The following METTL15 variants were observed in gnomAD, a reference collection of about 807,000 sequenced individuals.
The protein encoded by METTL15 is 12S rRNA N(4)-cytidine methyltransferase METTL15.
Under a neutral mutation model 38.3 loss-of-function variants are expected in METTL15, and 34 were observed. The observed-to-expected ratio is 0.89, with a 90% CI of 0.68 to 1.18. METTL15 has a LOEUF of 1.18. Ranked by LOEUF, METTL15 falls within the 50% of genes most tolerant of loss-of-function variation. The pLI is 0.00. For missense variants in METTL15, 438 were observed against 498.4 expected (o/e 0.88, Z 1.15); for synonymous variants, 162 against 170.9 (o/e 0.95, Z 0.41).
chr11:28,353,691 C>T (rs1234525048), intron 4 of METTL15, among the ~76,000 whole-genome samples: 1 of 151,196 alleles, frequency 6.6e-6, no homozygotes. Context: ...TTTGGGAGGC[C>T]GAGGCGGGTG....
In METTL15 at chr11:28,476,963, C is replaced by T. The variant is rs573306757; in HGVS notation, c.*425-49515C>T. Among the ~76,000 whole-genome samples the T allele has an allele frequency of 3.3e-5, 5 of 151,980 alleles. No homozygotes were observed. In the East Asian group the frequency reaches 9.7e-4, roughly 29 times the overall value. ...AAAACTATGAAGCAGCAGAAATTAC[C>T]GATAAATTGAGAATGGGGTTGAAAA... is the stretch of plus-strand genomic sequence containing the variant. On this transcript the variant is annotated intron_variant and NMD_transcript_variant, in intron 6 of 7. Coordinates refer to the METTL15 transcript ENST00000532947.
chr11:28,360,666 T>C (rs960882252), intron 4 of METTL15, among the ~76,000 whole-genome samples: 14 of 152,120 alleles, frequency 9.2e-5, no homozygotes, highest in Non-Finnish European at 1.5e-4. Context: ...TCTCTCTTTT[T>C]TTTTATTATA....
At chr11:28,358,970 A>C (rs1415809556) in intron 4 of METTL15, among the ~76,000 whole-genome samples, 1 of 152,208 alleles carries the variant, frequency 6.6e-6, no homozygotes, top group African/African-American at 2.4e-5. Context: ...GTACATGTGT[A>C]GGTTTGTGAC....
intron 3 of METTL15, among the ~76,000 whole-genome samples, chr11:28,139,267 A>T (rs1217973460): frequency 6.6e-6 from 1 of 152,118 alleles, no homozygotes; most frequent in Admixed American, 6.5e-5. Flanking sequence ...TTTCCCTCAA[A>T]GGAATCCCAG....
intron 3 of METTL15, among the ~76,000 whole-genome samples, chr11:28,198,623 A>G (rs1052908131): frequency 5.3e-5 from 8 of 152,100 alleles, no homozygotes; most frequent in African/African-American, 1.7e-4. Flanking sequence ...TCCCTTTTGT[A>G]TAAGCCCATA....
chr11:28,152,991 C>T (rs545853432), intron 3 of METTL15, among the ~76,000 whole-genome samples: 2 of 152,094 alleles, frequency 1.3e-5, no homozygotes, highest in South Asian at 4.2e-4. Context: ...TGCAAACTGT[C>T]ACGGTGCTGG....
chr11:28,411,142 G>A (rs1017860613), intron 5 of METTL15, among the ~76,000 whole-genome samples: 1 of 151,856 alleles, frequency 6.6e-6, no homozygotes, highest in Non-Finnish European at 1.5e-5. Context: ...TGAATAAGAA[G>A]AATTAATATT....
intron 5 of METTL15, among the ~76,000 whole-genome samples, chr11:28,391,592 G>A (rs1303157010): frequency 6.6e-6 from 1 of 152,110 alleles, no homozygotes; most frequent in Non-Finnish European, 1.5e-5. Context: ...AACCAAAACA[G>A]CATGGTACTG....
chr11:28,200,447 A>AT (rs1437857807), intron 3 of METTL15, among the ~76,000 whole-genome samples: 1 of 152,170 alleles, frequency 6.6e-6, no homozygotes, highest in African/African-American at 2.4e-5. Flanking sequence ...ATAAGCTTCC[A>AT]TAAATGTAAC....
At position 28,122,505 on chromosome 11, in the gene METTL15, TC is replaced by T. The variant is rs533325258; in HGVS notation, c.270+8902del. Among the ~76,000 whole-genome samples the T allele has an allele frequency of 2.9e-3, 440 of 151,548 alleles. 1 individual carries two copies. The highest frequency in any genetic ancestry group is 9.4e-3 in the African/African-American group (390 of 41,460). The stretch of plus-strand genomic sequence containing the variant: ...ACTAAAATGAAAATAACATATTTTT[TC>T]ATGCTTATTTTTTCCATAATGACGG... On this transcript the variant is annotated intron_variant, in intron 3 of 6. Coordinates refer to ENST00000407364, the MANE Select transcript of METTL15 (RefSeq NM_001113528.2).
Position 28,221,503 on chromosome 11 carries a change from T to C in METTL15, c.407+10305T>C, listed in dbSNP as rs572573751. ...GTTTTTAACTTCTTTGCCATGGGTT[T>C]GTACTTCCTCCTTTAGCTCGGAGAA... is the stretch of plus-strand genomic sequence containing the variant. On this transcript the variant is annotated intron_variant, in intron 4 of 6. Coordinates refer to ENST00000407364, the MANE Select transcript of METTL15 (RefSeq NM_001113528.2). 2.6e-5 allele frequency among the ~76,000 whole-genome samples: 4 copies of C among 152,294 alleles called. No homozygotes were observed. In the East Asian group the frequency reaches 7.7e-4, roughly 29 times the overall value.
chr11:28,196,068 T>C (rs2133811589), intron 3 of METTL15, among the ~76,000 whole-genome samples: 1 of 152,262 alleles, frequency 6.6e-6, no homozygotes, highest in East Asian at 1.9e-4. Context: ...GTGTTTCTAC[T>C]TTTACACCAA....
intron 6 of METTL15, among the ~76,000 whole-genome samples, chr11:28,319,579 T>C (rs1590318300): frequency 1.3e-5 from 2 of 152,110 alleles, no homozygotes; most frequent in African/African-American, 4.8e-5. Context: ...ACCCCTCAGT[T>C]TGGTACCTTT....
rs558114250 is a variant in METTL15, at chr11:28,238,839, A to G, written c.407+27641A>G. Among the ~76,000 whole-genome samples, 54 of 152,338 alleles carry G rather than the reference A, an allele frequency of 3.5e-4. No individual in the cohort carries two copies. In the South Asian group the frequency reaches 0.01, roughly 29 times the overall value. ...CAAAACTCCTTTTGTCAAAGACTCCAGTGATATCCACAATGCCAAATTCAG... is the reference window on the plus strand; with the variant it reads ...CAAAACTCCTTTTGTCAAAGACTCCGGTGATATCCACAATGCCAAATTCAG... On this transcript the variant is annotated intron_variant, in intron 4 of 6. Coordinates refer to ENST00000407364, the MANE Select transcript of METTL15 (RefSeq NM_001113528.2).
intron 6 of METTL15, among the ~76,000 whole-genome samples, chr11:28,520,936 G>T (rs1851759756): frequency 6.6e-6 from 1 of 151,656 alleles, no homozygotes; most frequent in African/African-American, 2.4e-5. Context: ...TATTTTCTTT[G>T]TTCTCTCTTT....
At chr11:28,475,496 G>C (rs4146829) in intron 6 of METTL15, among the ~76,000 whole-genome samples, 25 of 152,324 alleles carry the variant, frequency 1.6e-4, no homozygotes, top group African/African-American at 5.5e-4. Context: ...TCATGGTCTC[G>C]TGGTGTGGCT....
At chr11:28,422,847 GATC>G (rs551962587) in intron 5 of METTL15, among the ~76,000 whole-genome samples, 211 of 152,080 alleles carry the variant, frequency 1.4e-3, no homozygotes, top group Non-Finnish European at 2.3e-3. Flanking sequence ...GGACAAATGG[GATC>G]ATATCAAGCT....
intron 6 of METTL15, among the ~76,000 whole-genome samples, chr11:28,324,794 T>C (rs1043622848): frequency 6.6e-6 from 1 of 152,178 alleles, no homozygotes; most frequent in African/African-American, 2.4e-5. Flanking sequence ...TTACAACAAA[T>C]GCCATGCCGA....
Position 28,220,249 on chromosome 11 carries a change from A to T in METTL15, c.407+9051A>T, listed in dbSNP as rs1853133004. On this transcript the variant is annotated intron_variant, in intron 4 of 6. Transcript: ENST00000407364. Reference sequence around the variant, plus strand: ...GCTTTATGAATCTGGGTGCTCCTGTATTGGGTGCATATATATTTAGGATAG... The same window carrying T: ...GCTTTATGAATCTGGGTGCTCCTGTTTTGGGTGCATATATATTTAGGATAG... 2.6e-5 allele frequency among the ~76,000 whole-genome samples: 4 copies of T among 152,108 alleles called. No individual in the cohort carries two copies. The South Asian group carries it at 8.3e-4, about 32-fold the overall frequency.
Sources: gnomAD v4.1 joint callset for allele counts (sites outside exome capture counted in the v4.1 genomes callset) on GRCh38, gnomAD v4.1.1 for gene constraint, MANE v1.5 for transcripts, NCBI Gene and HGNC (gene_info 2026-07-23, HGNC 2026-07-21) for gene names.